Variants in GRM7 observed in about 807,000 individuals in gnomAD.
The protein encoded by GRM7 is metabotropic glutamate receptor 7.
In GRM7, 35 loss-of-function variants were observed where a neutral mutation model predicts 84.5. That is an observed-to-expected ratio of 0.41 (90% confidence interval 0.32 to 0.55). The LOEUF (loss-of-function observed/expected upper bound fraction) is 0.55, where lower values mean the gene tolerates loss of function less well. Ranked by LOEUF, GRM7 falls within the 20% of genes least tolerant of loss-of-function variation. The probability of loss-of-function intolerance (pLI) is 0.19; values close to 1 mark genes in which losing one functional copy is unlikely to be tolerated. For missense variants in GRM7, 1,003 were observed against 1,194.6 expected, an observed-to-expected ratio of 0.84 and a Z score of 2.36; for synonymous variants, 487 against 455.1, an observed-to-expected ratio of 1.07 and a Z score of -0.89.
chr3:6,902,883 C>CACACACACACACA (rs1287165184), intron 1 of GRM7, among the ~76,000 whole-genome samples: 1 of 131,484 alleles, frequency 7.6e-6, no homozygotes, highest in Non-Finnish European at 1.7e-5. Flanking sequence ...ACACACACAC[C>CACACACACACACA]CCTACTCTAG....
chr3:7,651,443 G>A (rs1698933820), intron 8 of GRM7, among the ~76,000 whole-genome samples: 1 of 152,202 alleles, frequency 6.6e-6, no homozygotes, highest in Non-Finnish European at 1.5e-5. Flanking sequence ...GCTTCTTAAT[G>A]CCTGTTTTGC....
At chr3:7,636,212 C>T in intron 8 of GRM7, 2 of 456,594 alleles carry the variant, frequency 4.4e-6, no homozygotes, top group Non-Finnish European at 8.8e-6. Flanking sequence ...TAACTTGAGC[C>T]TCAATTTCTT....
intron 7 of GRM7, among the ~76,000 whole-genome samples, chr3:7,534,955 A>T (rs779748): frequency 6.6e-6 from 1 of 151,906 alleles, no homozygotes; most frequent in African/African-American, 2.4e-5. Context: ...TGTACATGCG[A>T]GCTATTGCCC....
intron 9 of GRM7, among the ~76,000 whole-genome samples, chr3:7,735,881 A>G (rs1375744398): frequency 1.3e-5 from 2 of 152,176 alleles, no homozygotes; most frequent in African/African-American, 2.4e-5. Flanking sequence ...TACATATGAA[A>G]GTATCTCAGG....
chr3:7,101,570 G>A (rs1467592401), intron 1 of GRM7, among the ~76,000 whole-genome samples: 5 of 150,830 alleles, frequency 3.3e-5, no homozygotes, highest in Admixed American at 2.7e-4. Flanking sequence ...ATATAATCAC[G>A]GTTAGGTCTG....
chr3:7,046,157 T>C (rs1696800426), intron 1 of GRM7, among the ~76,000 whole-genome samples: 1 of 152,132 alleles, frequency 6.6e-6, no homozygotes, highest in Non-Finnish European at 1.5e-5. Flanking sequence ...TTGTCCATTG[T>C]TATGCTTTTT....
intron 1 of GRM7, among the ~76,000 whole-genome samples, chr3:7,074,029 G>A (rs1166572561): frequency 1.3e-5 from 2 of 152,086 alleles, no homozygotes; most frequent in African/African-American, 2.4e-5. Context: ...AATCTTTTAA[G>A]CAATGCACAT....
At chr3:7,691,870 A>G (rs1433997854) in intron 9 of GRM7, among the ~76,000 whole-genome samples, 3 of 152,094 alleles carry the variant, frequency 2.0e-5, no homozygotes, top group Non-Finnish European at 4.4e-5. Context: ...CATGTTTGTC[A>G]GGCTGGTCTC....
chr3:7,633,418 T>A (rs914558538), intron 8 of GRM7, among the ~76,000 whole-genome samples: 2 of 152,160 alleles, frequency 1.3e-5, no homozygotes, highest in Non-Finnish European at 2.9e-5. Context: ...GGAACTTTTT[T>A]TTCCAGAGTC....
At chr3:7,242,402 T>C (rs571597082) in intron 2 of GRM7, among the ~76,000 whole-genome samples, 3 of 152,330 alleles carry the variant, frequency 2.0e-5, no homozygotes, top group South Asian at 4.1e-4. Context: ...AGAGCTGGAC[T>C]AGAGGTTGTG....
chr3:6,878,380 TG>T (rs1695390517), intron 1 of GRM7, among the ~76,000 whole-genome samples: 4 of 82,542 alleles, frequency 4.8e-5, no homozygotes, highest in East Asian at 8.2e-4. Context: ...TGTGTTTGCG[TG>T]TGTGTGTGTG....
chr3:7,195,438 A>G (rs1695846576), intron 2 of GRM7, among the ~76,000 whole-genome samples: 1 of 152,122 alleles, frequency 6.6e-6, no homozygotes, highest in African/African-American at 2.4e-5. Flanking sequence ...AAAAGAAATG[A>G]ATGATTTTCT....
intron 1 of GRM7, among the ~76,000 whole-genome samples, chr3:6,899,474 A>T (rs1696310396): frequency 6.6e-6 from 1 of 152,166 alleles, no homozygotes. Flanking sequence ...TATTAGTGTG[A>T]TGTCTTTTGA....
chr3:7,644,239 T>C (rs1180959660), intron 8 of GRM7, among the ~76,000 whole-genome samples: 2 of 149,484 alleles, frequency 1.3e-5, no homozygotes, highest in Admixed American at 6.7e-5. Context: ...TCTGTACATA[T>C]ATATGTGTGT....
Position 7,516,209 on chromosome 3 carries a change from C to T in GRM7, c.1515+54487C>T, listed in dbSNP as rs1396898949. Among the ~76,000 whole-genome samples the T allele has an allele frequency of 6.8e-5, 10 of 146,114 alleles. No individual in the cohort carries two copies. In the East Asian group the frequency reaches 8.1e-4, roughly 12 times the overall value. On this transcript the variant is annotated intron_variant, in intron 7 of 9. Transcript: ENST00000357716. The stretch of plus-strand genomic sequence containing the variant: ...AAAAAGGGCTGGGCACGGTGGCTCA[C>T]GCCTGTAATCCCAGCACTTCGGGAA...
intron 2 of GRM7, among the ~76,000 whole-genome samples, chr3:7,292,340 A>G (rs978337429): frequency 8.5e-4 from 129 of 152,254 alleles, no homozygotes; most frequent in African/African-American, 2.8e-3. Flanking sequence ...TCCTTTTATA[A>G]TATGTATCCT....
At chr3:6,992,247 A>G (rs1694668647) in intron 1 of GRM7, among the ~76,000 whole-genome samples, 2 of 152,208 alleles carry the variant, frequency 1.3e-5, no homozygotes. Flanking sequence ...ACTCAATTCA[A>G]CAAGTACTTA....
intron 9 of GRM7, among the ~76,000 whole-genome samples, chr3:7,704,838 G>A (rs1701335788): frequency 6.6e-6 from 1 of 152,144 alleles, no homozygotes; most frequent in Non-Finnish European, 1.5e-5. Flanking sequence ...CTGGGCAGTG[G>A]AACATATGTA....
intron 1 of GRM7, among the ~76,000 whole-genome samples, chr3:7,056,312 T>C: frequency 6.6e-6 from 1 of 152,022 alleles, no homozygotes; most frequent in African/African-American, 2.4e-5. Context: ...TTGCAGTTTT[T>C]AATGCCTGGG....
Sources: allele counts gnomAD v4.1 joint callset (sites outside exome capture counted in the v4.1 genomes callset), GRCh38; gene constraint gnomAD v4.1.1; transcripts MANE v1.5; gene names NCBI Gene and HGNC (gene_info 2026-07-23, HGNC 2026-07-21).